Variants in POU2AF2 observed in about 807,000 individuals in gnomAD.
The protein encoded by POU2AF2 is POU class 2 homeobox associating factor 2.
chr11:111,256,009 T>C, the POU2AF2 span: 1 of 399,092 alleles, frequency 2.5e-6, no homozygotes, highest in Non-Finnish European at 4.4e-6. Flanking sequence ...CAAACGAGTG[T>C]ATCAAGGAGT....
chr11:111,274,242 A>G, the POU2AF2 span, among the ~76,000 whole-genome samples: 1 of 152,078 alleles, frequency 6.6e-6, no homozygotes, highest in African/African-American at 2.4e-5. Flanking sequence ...GCCCTTTAGG[A>G]GTCTTCTAGG....
the POU2AF2 span, chr11:111,284,423 G>C: frequency 2.6e-6 from 4 of 1,523,196 alleles, no homozygotes; most frequent in South Asian, 5.1e-5. Context: ...GAGGGGCGAG[G>C]CTCGCCCTCT....
the POU2AF2 span, among the ~76,000 whole-genome samples, chr11:111,269,688 T>C: frequency 6.6e-6 from 1 of 152,172 alleles, no homozygotes; most frequent in Non-Finnish European, 1.5e-5. Context: ...ACTCCTGTTG[T>C]TCTAACTTAG....
the POU2AF2 span, among the ~76,000 whole-genome samples, chr11:111,259,338 C>G: frequency 1.5e-5 from 2 of 129,356 alleles, no homozygotes; most frequent in African/African-American, 6.0e-5. Context: ...TTGTCTGAGA[C>G]AGAATCTGGT....
chr11:111,267,993 G>A, the POU2AF2 span, among the ~76,000 whole-genome samples: 1 of 152,134 alleles, frequency 6.6e-6, no homozygotes, highest in Admixed American at 6.5e-5. Flanking sequence ...CCATACTACT[G>A]CTCTTTGGCA....
the POU2AF2 span, among the ~76,000 whole-genome samples, chr11:111,275,838 AT>A: frequency 2.0e-5 from 3 of 152,244 alleles, no homozygotes; most frequent in Non-Finnish European, 1.5e-5. Context: ...AAATAAAAAA[AT>A]ATAAAATCAT....
the POU2AF2 span, among the ~76,000 whole-genome samples, chr11:111,283,776 A>G: frequency 6.6e-6 from 1 of 152,162 alleles, no homozygotes; most frequent in Non-Finnish European, 1.5e-5. Context: ...TATTTCATTT[A>G]TGTCTTCCTA....
the POU2AF2 span, chr11:111,256,213 G>A: frequency 7.6e-6 from 3 of 396,662 alleles, no homozygotes. Context: ...TCCTTTAACT[G>A]GCACGCAGTA....
At chr11:111,278,025 G>A in the POU2AF2 span, among the ~76,000 whole-genome samples, 2 of 152,154 alleles carry the variant, frequency 1.3e-5, no homozygotes, top group Non-Finnish European at 2.9e-5. Flanking sequence ...ACCATTACAT[G>A]CCCGAGAGTT....
the POU2AF2 span, among the ~76,000 whole-genome samples, chr11:111,256,842 A>C: frequency 1.3e-5 from 2 of 152,218 alleles, no homozygotes; most frequent in African/African-American, 2.4e-5. Context: ...TCATCCACGT[A>C]ATTGTTACTC....
At chr11:111,261,260 T>TAC in the POU2AF2 span, among the ~76,000 whole-genome samples, 1,532 of 140,988 alleles carry the variant, frequency 0.011, 6 homozygotes, top group African/African-American at 0.019. Flanking sequence ...TAGTACCAAA[T>TAC]ACACACACAC....
chr11:111,247,956 T>G, the POU2AF2 span, among the ~76,000 whole-genome samples: 1 of 139,740 alleles, frequency 7.2e-6, no homozygotes, highest in African/African-American at 2.7e-5. Flanking sequence ...CGATCTCCGC[T>G]CACTGCAAGC....
At chr11:111,271,894 G>A in the POU2AF2 span, among the ~76,000 whole-genome samples, 1 of 152,130 alleles carries the variant, frequency 6.6e-6, no homozygotes, top group East Asian at 1.9e-4. Context: ...AAGGGTGCCT[G>A]TAATCCCAGC....
chr11:111,276,450 AAAAATATATATATATAT>A, the POU2AF2 span, among the ~76,000 whole-genome samples: 11 of 43,612 alleles, frequency 2.5e-4, 1 homozygote, highest in South Asian at 3.5e-3. Context: ...AAAAAAAAAA[AAAAATATATATATATAT>A]ATATATATAT....
chr11:111,264,962 A>G, the POU2AF2 span, among the ~76,000 whole-genome samples: 1 of 149,882 alleles, frequency 6.7e-6, no homozygotes, highest in African/African-American at 2.4e-5. Context: ...GAGAGGAAGG[A>G]AGGAAGGAAG....
At chr11:111,283,083 G>T in the POU2AF2 span, among the ~76,000 whole-genome samples, 1 of 120,746 alleles carries the variant, frequency 8.3e-6, no homozygotes, top group South Asian at 2.7e-4. Flanking sequence ...TTTTTGAGAC[G>T]GACTCTTGCT....
chr11:111,272,236 TA>T, the POU2AF2 span, among the ~76,000 whole-genome samples: 2 of 152,196 alleles, frequency 1.3e-5, no homozygotes, highest in African/African-American at 4.8e-5. Flanking sequence ...TTTGATGTGC[TA>T]AATCACATTC....
the POU2AF2 span, among the ~76,000 whole-genome samples, chr11:111,276,453 A>AAAAAATATATATATAT: frequency 2.1e-3 from 77 of 37,456 alleles, no homozygotes; most frequent in Non-Finnish European, 2.9e-3. Flanking sequence ...AAAAAAAAAA[A>AAAAAATATATATATAT]ATATATATAT....
At chr11:111,281,252 T>A in the POU2AF2 span, 3 of 551,312 alleles carry the variant, frequency 5.4e-6, no homozygotes, top group Non-Finnish European at 9.3e-6. Flanking sequence ...CTTGAATTCT[T>A]ATTCTCAGTT....
Sources: gnomAD v4.1 joint callset for allele counts (sites outside exome capture counted in the v4.1 genomes callset) on GRCh38, gnomAD v4.1.1 for gene constraint, MANE v1.5 for transcripts, NCBI Gene and HGNC (gene_info 2026-07-23, HGNC 2026-07-21) for gene names.